MAP3K20: variants seen among roughly 807,000 people sequenced by gnomAD.
MAP3K20 encodes mitogen-activated protein kinase kinase kinase 20, also known as HCCS-4.
A neutral mutation model predicts 85.7 loss-of-function variants in MAP3K20; 40 were observed. The observed-to-expected ratio is 0.47, with a 90% confidence interval of 0.36 to 0.61. MAP3K20 has a LOEUF of 0.61. Ranked by LOEUF, MAP3K20 falls within the 20% of genes least tolerant of loss-of-function variation. MAP3K20 has a pLI of 0.00. For synonymous variants in MAP3K20, 325 were observed against 327.7 expected (o/e 0.99, Z 0.09); for missense variants, 817 against 961.7 (o/e 0.85, Z 1.99).
intron 15 of MAP3K20, 34 bp from the exon 16 acceptor site, chr2:173,239,370 T>C (rs1234682454): frequency 1.3e-6 from 2 of 1,546,192 alleles, no homozygotes; most frequent in South Asian, 2.4e-5. Context: ...AAAAACAACA[T>C]CTAGAATAAT....
Position 173,209,797 on chromosome 2 carries a change from C to A in MAP3K20, c.813C>A (p.Asp271Glu). 7 of 1,614,112 alleles carry A rather than the reference C, an allele frequency of 4.3e-6. No homozygotes were observed. The highest frequency in any genetic ancestry group is 5.9e-6 in the Non-Finnish European group (7 of 1,180,022). The change falls in exon 10 of 20, where the codon GAC becomes GAA. Residue 271 changes from aspartate (D) to glutamate (E), a missense_variant. This residue lies in a region of MAP3K20 where 158 missense variants were observed against 162.0 expected (regional missense o/e 0.98). Transcript: ENST00000375213. ...ESMSNDTSLP[D>E]KCNSFLHNKA... ...TGTCAAATGACACGAGCCTTCCTGA[C>A]AAGTGTAACTCATTCCTACACAACA...
chr2:173,235,597 GC>G (rs1684629970), intron 14 of MAP3K20, among the ~76,000 whole-genome samples: 1 of 152,220 alleles, frequency 6.6e-6, no homozygotes, highest in Non-Finnish European at 1.5e-5. Flanking sequence ...GTTCTTGACT[GC>G]CTAATGGGAG....
chr2:173,258,849 GAATTCACAGAT>G, intron 17 of MAP3K20, 34 bp downstream of exon 17: 1 of 1,316,330 alleles, frequency 7.6e-7, no homozygotes, highest in Non-Finnish European at 1.1e-6. Context: ...AAGCTCTTTT[GAATTCACAGAT>G]ATCAAACAAA....
chr2:173,184,238 C>T (rs1162162529), intron 4 of MAP3K20, among the ~76,000 whole-genome samples: 1 of 152,174 alleles, frequency 6.6e-6, no homozygotes, highest in Non-Finnish European at 1.5e-5. Context: ...GCTGCCTGAG[C>T]ATTGTGGAAA....
At chr2:173,227,959 A>G (rs953721337) in intron 11 of MAP3K20, among the ~76,000 whole-genome samples, 1 of 151,954 alleles carries the variant, frequency 6.6e-6, no homozygotes, top group African/African-American at 2.4e-5. Context: ...ATTGTCACCT[A>G]TTTTTCTTTG....
chr2:173,094,260 A>G (rs539206106), intron 2 of MAP3K20, among the ~76,000 whole-genome samples: 3 of 152,112 alleles, frequency 2.0e-5, no homozygotes, highest in Non-Finnish European at 4.4e-5. Flanking sequence ...TTTTCTCTAT[A>G]TGTTATTGAT....
chr2:173,164,041 C>T (rs1348574422), intron 2 of MAP3K20, among the ~76,000 whole-genome samples: 1 of 151,862 alleles, frequency 6.6e-6, no homozygotes, highest in Non-Finnish European at 1.5e-5. Flanking sequence ...CTCACTGCAA[C>T]CTCCGCCTCC....
intron 3 of MAP3K20, among the ~76,000 whole-genome samples, chr2:173,180,667 C>T (rs1390682336): frequency 6.6e-6 from 1 of 151,856 alleles, no homozygotes; most frequent in Non-Finnish European, 1.5e-5. Context: ...CAGAGTGAGA[C>T]CTTGTCTCAA....
chr2:173,217,201 G>A lies in MAP3K20; in HGVS notation c.938G>A (p.Arg313Lys). Reference protein sequence around the residue: ...FKEQELKERERRLKMWEQKLT... With the variant: ...FKEQELKEREKRLKMWEQKLT... ...GAGCAGGAGCTTAAAGAACGAGAAA[G>A]ACGTTTAAAGATGTGGGAGCAAAAG... is the stretch of plus-strand genomic sequence containing the variant. The change falls in exon 11 of 20, where the codon AGA becomes AAA. Residue 313 changes from arginine (R) to lysine (K), a missense_variant. Transcript: ENST00000375213. 1 of 1,604,854 alleles carries A rather than the reference G, an allele frequency of 6.2e-7. No individual in the cohort carries two copies. The highest frequency in any genetic ancestry group is 8.5e-7 in the Non-Finnish European group (1 of 1,175,254).
Position 173,138,851 on chromosome 2 carries a change from T to G in MAP3K20, c.160-30954T>G, listed in dbSNP as rs527993503. Among the ~76,000 whole-genome samples, 5 of 152,390 alleles carry G rather than the reference T, an allele frequency of 3.3e-5. No individual in the cohort carries two copies. The South Asian group carries it at 1.0e-3, about 32-fold the overall frequency. On this transcript the variant is annotated intron_variant, in intron 2 of 19. Coordinates refer to ENST00000375213, the MANE Select transcript of MAP3K20 (RefSeq NM_016653.3). ...CATTTTGTTTTCCTTCTTCATCTGG[T>G]ACTTCTATCAGCTAGGGCCATAGTA...
intron 16 of MAP3K20, among the ~76,000 whole-genome samples, chr2:173,247,979 A>G (rs1684958849): frequency 6.6e-6 from 1 of 152,200 alleles, no homozygotes; most frequent in South Asian, 2.1e-4. Flanking sequence ...AAGAAGGGTG[A>G]CATGAATAAG....
At chr2:173,188,074 G>A (rs1285829802) in intron 5 of MAP3K20, among the ~76,000 whole-genome samples, 3 of 152,146 alleles carry the variant, frequency 2.0e-5, no homozygotes, top group Admixed American at 6.5e-5. Flanking sequence ...GTGAATTGTT[G>A]ATGCCAGTCA....
chr2:173,088,839 G>T (rs183888083), intron 1 of MAP3K20, among the ~76,000 whole-genome samples: 106 of 152,210 alleles, frequency 7.0e-4, no homozygotes, highest in African/African-American at 2.1e-3. Context: ...CAAAAAAGTT[G>T]GTAACATAAA....
At chr2:173,218,337 T>C (rs2106316693) in intron 11 of MAP3K20, among the ~76,000 whole-genome samples, 1 of 152,370 alleles carries the variant, frequency 6.6e-6, no homozygotes, top group South Asian at 2.1e-4. Context: ...AGCTAAATGT[T>C]TATTATCAGA....
intron 16 of MAP3K20, among the ~76,000 whole-genome samples, chr2:173,255,201 G>T (rs938400449): frequency 3.3e-5 from 5 of 152,224 alleles, no homozygotes; most frequent in African/African-American, 1.2e-4. Flanking sequence ...AGCAGTTGCT[G>T]CAGGGAGGAT....
At chr2:173,102,294 GC>G (rs144723420) in intron 2 of MAP3K20, among the ~76,000 whole-genome samples, 12 of 152,184 alleles carry the variant, frequency 7.9e-5, no homozygotes, top group African/African-American at 2.6e-4. Context: ...CTACTTTATA[GC>G]CTTTTCTTCT....
intron 3 of MAP3K20, among the ~76,000 whole-genome samples, chr2:173,172,947 G>A (rs977445734): frequency 2.9e-4 from 44 of 151,926 alleles, no homozygotes; most frequent in Non-Finnish European, 1.0e-4. Context: ...ACAGGCGTGC[G>A]CCACCATGCC....
At chr2:173,176,322 A>T (rs1039963224) in intron 3 of MAP3K20, among the ~76,000 whole-genome samples, 1 of 152,162 alleles carries the variant, frequency 6.6e-6, no homozygotes, top group Admixed American at 6.5e-5. Flanking sequence ...AAAAATAAAA[A>T]CATAACATTG....
chr2:173,110,207 A>G (rs1254816997), intron 2 of MAP3K20, among the ~76,000 whole-genome samples: 1 of 6,658 alleles, frequency 1.5e-4, no homozygotes, highest in East Asian at 7.9e-3. Flanking sequence ...ATACATATAT[A>G]TATATATATA....
Sources: gnomAD v4.1 joint callset for allele counts (sites outside exome capture counted in the v4.1 genomes callset) on GRCh38, gnomAD v4.1.1 for gene constraint, gnomAD v4.1.1 regional missense constraint, MANE v1.5 for transcripts, NCBI Gene and HGNC (gene_info 2026-07-23, HGNC 2026-07-21) for gene names.